TRPC4: variants seen among roughly 807,000 people sequenced by gnomAD.
TRPC4 encodes transient receptor potential cation channel subfamily C member 4.
A neutral mutation model predicts 99.4 loss-of-function variants in TRPC4; 49 were observed. The ratio of observed to expected loss-of-function variants is 0.49; its 90% confidence interval spans 0.39 to 0.63. The LOEUF (loss-of-function observed/expected upper bound fraction) is 0.63, where lower values mean the gene tolerates loss of function less well. Among genes scored for constraint, TRPC4 ranks in the 20% least tolerant of loss-of-function variants. TRPC4 has a pLI of 0.00. For synonymous variants in TRPC4, 454 were observed against 425.9 expected (o/e 1.07, Z -0.81); for missense variants, 898 against 1,152.9 (o/e 0.78, Z 3.20).
intron 8 of TRPC4, among the ~76,000 whole-genome samples, chr13:37,642,809 C>T (rs560875363): frequency 5.0e-4 from 76 of 151,302 alleles, no homozygotes; most frequent in African/African-American, 1.6e-3. Context: ...CGGCACACTG[C>T]AACCTCTGTC....
intron 7 of TRPC4, among the ~76,000 whole-genome samples, chr13:37,651,783 A>G (rs1441911280): frequency 6.6e-6 from 1 of 152,198 alleles, no homozygotes; most frequent in East Asian, 1.9e-4. Context: ...GACTCATGTT[A>G]GTGCAGTTTC....
At chr13:37,732,539 C>A (rs771007820) in intron 3 of TRPC4, among the ~76,000 whole-genome samples, 1 of 152,054 alleles carries the variant, frequency 6.6e-6, no homozygotes, top group Non-Finnish European at 1.5e-5. Context: ...CCCTGTTCAA[C>A]GACGACATGT....
At chr13:37,660,771 G>T (rs1952408971) in intron 6 of TRPC4, among the ~76,000 whole-genome samples, 1 of 152,052 alleles carries the variant, frequency 6.6e-6, no homozygotes, top group South Asian at 2.1e-4. Context: ...GAAATAGTGG[G>T]CAGTAAAAAA....
chr13:37,691,062 C>T (rs1953681182), intron 4 of TRPC4, among the ~76,000 whole-genome samples: 1 of 151,974 alleles, frequency 6.6e-6, no homozygotes, highest in Admixed American at 6.6e-5. Context: ...GCTATAATAA[C>T]AAGGAGAAAG....
At chr13:37,868,537 G>A (rs975850041) in intron 1 of TRPC4, among the ~76,000 whole-genome samples, 2 of 152,124 alleles carry the variant, frequency 1.3e-5, no homozygotes, top group East Asian at 3.9e-4. Flanking sequence ...AATATTCTTT[G>A]TGCTGTGATT....
At chr13:37,789,733 GCTTTTGGCAGCTGTATGAGGAAATATAA>G (rs1957065182) in intron 1 of TRPC4, among the ~76,000 whole-genome samples, 1 of 149,260 alleles carries the variant, frequency 6.7e-6, no homozygotes, top group South Asian at 2.1e-4. Context: ...TTACTACTAA[GCTTTTGGCAGCTGTATGAGGAAATATAA>G]CTGTAATGTA....
intron 5 of TRPC4, 50 bp downstream of exon 5, chr13:37,674,178 T>A (rs1378149096): frequency 2.1e-6 from 3 of 1,461,266 alleles, no homozygotes; most frequent in Admixed American, 2.6e-5. Flanking sequence ...TGAAAGTATA[T>A]CATTAATAAT....
At chr13:37,720,881 T>C (rs1954845959) in intron 3 of TRPC4, among the ~76,000 whole-genome samples, 1 of 152,226 alleles carries the variant, frequency 6.6e-6, no homozygotes, top group African/African-American at 2.4e-5. Flanking sequence ...ATTGGTGCAG[T>C]CTAATCTCTA....
intron 2 of TRPC4, among the ~76,000 whole-genome samples, chr13:37,755,859 A>G (rs184347315): frequency 6.6e-6 from 1 of 152,148 alleles, no homozygotes; most frequent in Non-Finnish European, 1.5e-5. Flanking sequence ...TAGAAACTTT[A>G]TGAAAAAGGT....
At chr13:37,867,411 G>T (rs80264418) in intron 1 of TRPC4, among the ~76,000 whole-genome samples, 2,899 of 151,964 alleles carry the variant, frequency 0.019, 39 homozygotes, top group South Asian at 0.03. Flanking sequence ...AAACATGCAG[G>T]TATAAAAATA....
At chr13:37,851,304 T>C (rs1056377996) in intron 1 of TRPC4, among the ~76,000 whole-genome samples, 2 of 152,080 alleles carry the variant, frequency 1.3e-5, no homozygotes, top group Non-Finnish European at 2.9e-5. Context: ...ACTTCTACAA[T>C]TCTTGATACA....
intron 3 of TRPC4, among the ~76,000 whole-genome samples, chr13:37,725,133 G>C (rs1196323098): frequency 3.3e-5 from 5 of 151,950 alleles, no homozygotes; most frequent in Non-Finnish European, 7.4e-5. Flanking sequence ...AGCAGATTTG[G>C]GCGGACTGAA....
intron 2 of TRPC4, among the ~76,000 whole-genome samples, chr13:37,774,853 TA>T (rs887491484): frequency 2.0e-5 from 3 of 151,798 alleles, no homozygotes; most frequent in African/African-American, 7.3e-5. Context: ...CTGAGCCTTC[TA>T]ATCATAATAT....
At chr13:37,680,113 T>G (rs1295722377) in intron 4 of TRPC4, among the ~76,000 whole-genome samples, 3 of 152,168 alleles carry the variant, frequency 2.0e-5, no homozygotes, top group Non-Finnish European at 1.5e-5. Context: ...AACATTTTCT[T>G]ATTCCTGAGA....
At chr13:37,640,488 G>A (rs1414114416) in intron 8 of TRPC4, among the ~76,000 whole-genome samples, 2 of 152,148 alleles carry the variant, frequency 1.3e-5, no homozygotes, top group African/African-American at 4.8e-5. Context: ...ACAATGCTTA[G>A]GTTCCTAAAG....
chr13:37,785,065 A>T (rs1353676489), intron 1 of TRPC4, among the ~76,000 whole-genome samples: 1 of 152,106 alleles, frequency 6.6e-6, no homozygotes, highest in African/African-American at 2.4e-5. Flanking sequence ...TATTGTGGGG[A>T]TGCTTTAACT....
At chr13:37,679,833 A>T (rs563738806) in intron 4 of TRPC4, among the ~76,000 whole-genome samples, 155 of 152,338 alleles carry the variant, frequency 1.0e-3, no homozygotes, top group Non-Finnish European at 1.5e-3. Flanking sequence ...AGAACTAAGT[A>T]AGATATGATG....
At chr13:37,808,994 T>C (rs1196916413) in intron 1 of TRPC4, among the ~76,000 whole-genome samples, 2 of 152,110 alleles carry the variant, frequency 1.3e-5, no homozygotes, top group Non-Finnish European at 2.9e-5. Flanking sequence ...CAAAAGGGGA[T>C]TGACTTCTGT....
intron 1 of TRPC4, among the ~76,000 whole-genome samples, chr13:37,847,432 C>G (rs935984971): frequency 5.3e-5 from 8 of 152,072 alleles, no homozygotes; most frequent in African/African-American, 1.9e-4. Context: ...ACAACATGCT[C>G]CTAAATAACC....
Sources: gnomAD v4.1 joint callset for allele counts (sites outside exome capture counted in the v4.1 genomes callset) on GRCh38, gnomAD v4.1.1 for gene constraint, MANE v1.5 for transcripts, NCBI Gene and HGNC (gene_info 2026-07-23, HGNC 2026-07-21) for gene names.